Variants in PCDH1 observed in about 807,000 individuals in gnomAD.
PCDH1 encodes the protein protocadherin-1.
A neutral mutation model predicts 74.6 loss-of-function variants in PCDH1; 23 were observed. The ratio of observed to expected loss-of-function variants is 0.31; its 90% confidence interval spans 0.22 to 0.44. The LOEUF (loss-of-function observed/expected upper bound fraction) is 0.44, where lower values mean the gene tolerates loss of function less well. Among genes scored for constraint, PCDH1 ranks in the 20% least tolerant of loss-of-function variants. The pLI, the probability that PCDH1 is intolerant of heterozygous loss-of-function variation, is 1.00. For missense variants in PCDH1, 1,214 were observed against 1,641.4 expected (o/e 0.74, Z 4.50); for synonymous variants, 647 against 686.1 (o/e 0.94, Z 0.89).
At position 141,869,881 on chromosome 5, in the gene PCDH1, C is replaced by A; in HGVS notation, c.41-450G>T. On this transcript the variant is annotated intron_variant, in intron 1 of 4. Transcript: ENST00000287008. This position sits in a 1 kb window ranked among gnomAD's most constrained non-coding sequence, Gnocchi z 4.9. ...GAGAGCCAGTGGAAGGGTGAGACCTCGAGCATCCCCAACTGGAGCACCCCT... is the reference window on the plus strand; with the variant it reads ...GAGAGCCAGTGGAAGGGTGAGACCTAGAGCATCCCCAACTGGAGCACCCCT... 1.2e-6 allele frequency: 1 copy of A among 838,770 alleles called. No individual in the cohort carries two copies. The highest frequency in any genetic ancestry group is 5.4e-5 in the South Asian group (1 of 18,464). The allele number at this position is 838,770 out of a possible 1,614,324, so 52.0% of individuals were successfully genotyped here.
chr5:141,859,352 ATAAAATGGAGGGTTGGGT>A (rs1752481061), intron 3 of PCDH1, among the ~76,000 whole-genome samples: 1 of 152,172 alleles, frequency 6.6e-6, no homozygotes, highest in South Asian at 2.1e-4. Flanking sequence ...ATTCTTTTCC[ATAAAATGGAGGGTTGGGT>A]TATACCCAAC....
Position 141,868,968 on chromosome 5 carries a change from G to A in PCDH1, c.504C>T (p.Phe168=), listed in dbSNP as rs145624062. 6.5e-5 allele frequency: 105 copies of A among 1,614,200 alleles called. No homozygotes were observed. The East Asian group carries it at 1.2e-3, about 19-fold the overall frequency. The change falls in exon 2 of 5, where the codon TTC becomes TTT. Residue 168 remains phenylalanine (F), a synonymous_variant. Coordinates refer to ENST00000287008, the MANE Select transcript of PCDH1 (RefSeq NM_032420.5). This position sits in a 1 kb window ranked among gnomAD's most constrained non-coding sequence, Gnocchi z 4.8. ...VQDINDNTPN[F]ASPVITLAIP... is the part of the protein sequence containing the mutation. ...TGGCCAGAGTGATGACTGGTGAGGCGAAGTTGGGTGTGTTGTCATTGATGT... is the reference window on the plus strand; with the variant it reads ...TGGCCAGAGTGATGACTGGTGAGGCAAAGTTGGGTGTGTTGTCATTGATGT...
Position 141,865,377 on chromosome 5 carries a change from T to C in PCDH1, c.954A>G (p.Thr318=), listed in dbSNP as rs769373332. 2 of 1,614,042 alleles carry C rather than the reference T, an allele frequency of 1.2e-6. No individual in the cohort carries two copies. The highest frequency in any genetic ancestry group is 1.1e-5 in the South Asian group (1 of 91,084). The change falls in exon 3 of 5, where the codon ACA becomes ACG. Residue 318 remains threonine (T), a synonymous_variant. Coordinates refer to ENST00000287008, the MANE Select transcript of PCDH1 (RefSeq NM_032420.5). The surrounding 1 kb of genome is among the most constrained non-coding windows in gnomAD (Gnocchi z 4.4). The stretch of plus-strand genomic sequence containing the variant: ...TCACAACTTCGGGCGCCTGGTGGAA[T>C]GTGTATTCGATTTCTGCATTGGCAC... ...DQGANAEIEY[T]FHQAPEVVRR...
At chr5:141,856,346 G>C in intron 4 of PCDH1, 1 of 1,113,196 alleles carries the variant, frequency 9.0e-7, no homozygotes, top group Non-Finnish European at 1.3e-6. Flanking sequence ...CTGAGACCTA[G>C]GGCCTGGGAG....
At chr5:141,873,085 T>G (rs1753133058) in intron 1 of PCDH1, among the ~76,000 whole-genome samples, 1 of 151,900 alleles carries the variant, frequency 6.6e-6, no homozygotes, top group South Asian at 2.1e-4. Context: ...GGTACAACTT[T>G]GAGATAATTC....
Position 141,869,574 on chromosome 5 carries a change from G to A in PCDH1, c.41-143C>T, listed in dbSNP as rs557848624. 160 of 1,535,424 alleles carry A rather than the reference G, an allele frequency of 1.0e-4. No homozygotes were observed. Among genetic ancestry groups the A allele is most frequent in the Non-Finnish European group, 1.2e-4 (143 of 1,146,970 alleles). On this transcript the variant is annotated intron_variant, in intron 1 of 4. Transcript: ENST00000287008. This position sits in a 1 kb window ranked among gnomAD's most constrained non-coding sequence, Gnocchi z 4.9. ...GCAGTCAGTCCCAGCACAGAACCCC[G>A]ATTCCAGAAACTCAGATCCCTGAAT...
chr5:141,873,751 C>A (rs1753154784), intron 1 of PCDH1, among the ~76,000 whole-genome samples: 1 of 152,166 alleles, frequency 6.6e-6, no homozygotes, highest in South Asian at 2.1e-4. Flanking sequence ...AGCCACTGCG[C>A]CCAGCCCCTG....
At chr5:141,859,365 T>C (rs1251520245) in intron 3 of PCDH1, among the ~76,000 whole-genome samples, 2 of 149,226 alleles carry the variant, frequency 1.3e-5, no homozygotes, top group Admixed American at 1.3e-4. Context: ...AAATGGAGGG[T>C]TGGGTTATAC....
chr5:141,862,874 T>C, intron 3 of PCDH1: 1 of 1,167,724 alleles, frequency 8.6e-7, no homozygotes, highest in Non-Finnish European at 1.1e-6. Flanking sequence ...GACCTAGGTT[T>C]GGAGTAGACT....
chr5:141,864,939 T>C lies in PCDH1; in HGVS notation c.1392A>G (p.Leu464=). 1.2e-6 allele frequency: 2 copies of C among 1,614,130 alleles called. No individual in the cohort carries two copies. The highest frequency in any genetic ancestry group is 1.7e-6 in the Non-Finnish European group (2 of 1,180,036). The change falls in exon 3 of 5, where the codon CTA becomes CTG. Residue 464 remains leucine, a synonymous_variant. Transcript: ENST00000287008. The surrounding 1 kb of genome is among the most constrained non-coding windows in gnomAD (Gnocchi z 5.9). ...KKYFLQTTTP[L]DYEKVKDYTI... ...TGTAGTCTTTGACCTTCTCGTAGTCTAGCGGGGTGGTAGTCTGCAGGAAAT... is the reference window on the plus strand; with the variant it reads ...TGTAGTCTTTGACCTTCTCGTAGTCCAGCGGGGTGGTAGTCTGCAGGAAAT...
At chr5:141,871,910 G>A (rs1753103507) in intron 1 of PCDH1, among the ~76,000 whole-genome samples, 1 of 152,184 alleles carries the variant, frequency 6.6e-6, no homozygotes, top group African/African-American at 2.4e-5. Flanking sequence ...GGGGTAAAAT[G>A]TAAGTCTTCT....
intron 2 of PCDH1, chr5:141,867,552 T>A (rs1164574143): frequency 4.4e-6 from 2 of 454,622 alleles, no homozygotes; most frequent in East Asian, 7.0e-5. Context: ...TTATTTGCTA[T>A]CCCCGACTGT....
intron 3 of PCDH1, among the ~76,000 whole-genome samples, chr5:141,857,697 G>T (rs1752404447): frequency 6.6e-6 from 1 of 152,038 alleles, no homozygotes; most frequent in Admixed American, 6.6e-5. Flanking sequence ...CCACATACTG[G>T]AAGTCCCAAT....
rs760698086 is a variant in PCDH1, at chr5:141,854,021, G to A, written c.*21C>T. On this transcript the variant is annotated 3_prime_UTR_variant, in exon 5 of 5. Transcript: ENST00000287008. ...GCTGGCCGGCGGCTGGGGGAGGGGG[G>A]CCGGCCGGCCAGTAGGGGGCTCACA... 1.3e-5 allele frequency: 19 copies of A among 1,480,006 alleles called. No homozygotes were observed. In the East Asian group the frequency reaches 4.0e-4, roughly 31 times the overall value. The allele number at this position is 1,480,006 out of a possible 1,614,324, so 91.7% of individuals were successfully genotyped here.
chr5:141,868,408 T>TG lies in PCDH1; in HGVS notation c.903+160dup. ...AGGAAAGTAATATCACCTGCTGGGGTGGGGTGGGAAAGACTCCCCTGGCTG... is the reference window on the plus strand; with the variant it reads ...AGGAAAGTAATATCACCTGCTGGGGTGGGGGTGGGAAAGACTCCCCTGGCTG... On this transcript the variant is annotated intron_variant, in intron 2 of 4. Transcript: ENST00000287008. The surrounding 1 kb of genome is among the most constrained non-coding windows in gnomAD (Gnocchi z 4.8). The TG allele has an allele frequency of 7.2e-7, 1 of 1,386,432 alleles. No individual in the cohort carries two copies. The highest frequency in any genetic ancestry group is 9.3e-7 in the Non-Finnish European group (1 of 1,075,096). The allele number at this position is 1,386,432 out of a possible 1,614,324, so 85.9% of individuals were successfully genotyped here.
At chr5:141,855,285 C>A (rs1490024708) in intron 4 of PCDH1, among the ~76,000 whole-genome samples, 1 of 152,060 alleles carries the variant, frequency 6.6e-6, no homozygotes, top group Non-Finnish European at 1.5e-5. Context: ...TAGACACATT[C>A]CTTCCAGCGT....
At chr5:141,858,628 C>T (rs148626108) in intron 3 of PCDH1, among the ~76,000 whole-genome samples, 107 of 152,282 alleles carry the variant, frequency 7.0e-4, no homozygotes, top group African/African-American at 2.4e-3. Flanking sequence ...GCACTTGGCA[C>T]AACCAGCCAG....
chr5:141,859,932 A>G (rs908300903), intron 3 of PCDH1, among the ~76,000 whole-genome samples: 2 of 152,184 alleles, frequency 1.3e-5, no homozygotes, highest in Non-Finnish European at 2.9e-5. Context: ...CAGTTCTTCC[A>G]GTCTCATCTT....
intron 3 of PCDH1, among the ~76,000 whole-genome samples, chr5:141,860,509 A>AT (rs1416764992): frequency 2.6e-5 from 4 of 151,944 alleles, no homozygotes. Context: ...AAAAAAAAAA[A>AT]AAAAAAAGGT....
Sources: allele counts gnomAD v4.1 joint callset (sites outside exome capture counted in the v4.1 genomes callset), GRCh38; gene constraint gnomAD v4.1.1; non-coding constraint Gnocchi (gnomAD v3.1); transcripts MANE v1.5; gene names NCBI Gene and HGNC (gene_info 2026-07-23, HGNC 2026-07-21).